MYO15B: variants seen among roughly 807,000 people sequenced by gnomAD.
MYO15B encodes the protein myosin XVB pseudogene.
In MYO15B, 207 loss-of-function variants were observed where a neutral mutation model predicts 119.3. That is an observed-to-expected ratio of 1.73 (90% CI 1.55 to 1.95). The LOEUF is 1.95. MYO15B is among the 30% of genes most tolerant of loss of function. The pLI is 0.00. For synonymous variants in MYO15B, 966 were observed against 498.9 expected (o/e 1.94, Z -12.48); for missense variants, 2,264 against 1,203.1 (o/e 1.88, Z -13.04).
In MYO15B at chr17:75,589,548, A is replaced by G. The variant is rs564582991; in HGVS notation, c.1491A>G (p.Leu497=). The change falls in exon 1 of 64, where the codon CTA becomes CTG. Residue 497 remains leucine (L), a synonymous_variant. Coordinates refer to ENST00000645453, the Ensembl canonical transcript of MYO15B. This position sits in a 1 kb window ranked among gnomAD's most constrained non-coding sequence, Gnocchi z 4.2. ...GTGAGCCCGGGCTGCGGCACCGTCT[A>G]GCGTTGCGCCTGGCTGGCTTAGCAG... The G allele has an allele frequency of 7.5e-4, 300 of 398,590 alleles. No individual in the cohort carries two copies. The highest frequency in any genetic ancestry group is 4.4e-3 in the Middle Eastern group (7 of 1,594). The allele number at this position is 398,590 out of a possible 1,614,324, so 24.7% of individuals were successfully genotyped here.
Position 75,601,427 on chromosome 17 carries a change from T to A in MYO15B, c.3526-11T>A. ...CAGAGGCGTGAAGGGAGCTCATGGC[T>A]CCTCTCCTAGGCCACGGACCACACC... On this transcript the variant is annotated splice_polypyrimidine_tract_variant and intron_variant, in intron 14 of 63. Transcript: ENST00000645453. 1 of 702,798 alleles carries A rather than the reference T, an allele frequency of 1.4e-6. No homozygotes were observed. The highest frequency in any genetic ancestry group is 2.6e-6 in the Non-Finnish European group (1 of 384,870). The allele number at this position is 702,798 out of a possible 1,614,324, so 43.5% of individuals were successfully genotyped here. A position where few individuals can be genotyped will look rare whatever the true frequency, so the allele number is the denominator to read the frequency against.
chr17:75,597,723 G>T (rs921730152), intron 14 of MYO15B, among the ~76,000 whole-genome samples: 2 of 152,034 alleles, frequency 1.3e-5, no homozygotes, highest in Non-Finnish European at 2.9e-5. Flanking sequence ...CCAGGAGCTC[G>T]AGACCAACAT....
At chr17:75,622,675 AGTT>A (rs775455190) in intron 53 of MYO15B, among the ~76,000 whole-genome samples, 2 of 152,178 alleles carry the variant, frequency 1.3e-5, no homozygotes, top group African/African-American at 2.4e-5. Context: ...AGCAAAAGGA[AGTT>A]ATTGCAGTGG....
At position 75,625,570 on chromosome 17, in the gene MYO15B, G is replaced by GT; in HGVS notation, c.8849dup (p.Asn2951GlufsTer30). ...CGTGCCAAAGCAGCTGCAACGGCAG[G>GT]TGAACACGGCCTCCATCAAGAACCT... On this transcript the variant is annotated frameshift_variant, in exon 61 of 64. Coordinates refer to ENST00000645453, the Ensembl canonical transcript of MYO15B. LOFTEE classifies it high-confidence loss of function. 1 of 703,082 alleles carries GT rather than the reference G, an allele frequency of 1.4e-6. No homozygotes were observed. The highest frequency in any genetic ancestry group is 2.6e-6 in the Non-Finnish European group (1 of 385,006). 43.6% of individuals were successfully genotyped at this position (703,082 alleles called of 1,614,324 possible).
At chr17:75,617,582 C>T (rs62089253) in intron 41 of MYO15B, 166,269 of 573,210 alleles carry the variant, frequency 0.29, 25,557 homozygotes, top group Middle Eastern at 0.34. Context: ...AGTTAGTGGC[C>T]CTGGCTGACA....
intron 53 of MYO15B, among the ~76,000 whole-genome samples, chr17:75,622,431 C>T (rs781287273): frequency 6.6e-6 from 1 of 152,124 alleles, no homozygotes; most frequent in East Asian, 1.9e-4. Context: ...GGGGAAGCCT[C>T]GGCACCATCA....
intron 14 of MYO15B, among the ~76,000 whole-genome samples, chr17:75,598,756 A>G (rs186861717): frequency 6.6e-6 from 1 of 152,290 alleles, no homozygotes; most frequent in Admixed American, 6.5e-5. Flanking sequence ...GTTAATTTCT[A>G]AACGATTGTT....
In MYO15B at chr17:75,592,307, G is replaced by A. The variant is rs2056521094; in HGVS notation, c.2715+6G>A. The A allele has an allele frequency of 1.4e-6, 1 of 702,780 alleles. No homozygotes were observed. Among genetic ancestry groups the A allele is most frequent in the Non-Finnish European group, 2.6e-6 (1 of 384,956 alleles). 43.5% of individuals were successfully genotyped at this position (702,780 alleles called of 1,614,324 possible). On this transcript the variant is annotated splice_donor_region_variant and intron_variant, in intron 7 of 63. Coordinates refer to ENST00000645453, the Ensembl canonical transcript of MYO15B. ...CCTCCAGGGTGGTGTTTCAGGTAAAGGCAGCCCTTCTATCCACCCCTGCCC... is the reference window on the plus strand; with the variant it reads ...CCTCCAGGGTGGTGTTTCAGGTAAAAGCAGCCCTTCTATCCACCCCTGCCC...
intron 20 of MYO15B, 25 bp downstream of exon 20, chr17:75,605,646 A>C (rs1285516629): frequency 1.7e-5 from 12 of 702,424 alleles, no homozygotes; most frequent in African/African-American, 3.5e-5. Flanking sequence ...CCCTGTGTGC[A>C]GAGGGCAGCA....
Position 75,611,692 on chromosome 17 carries a change from C to T in MYO15B, c.4504+34C>T, listed in dbSNP as rs1209995886. The T allele has an allele frequency of 1.3e-5, 9 of 702,632 alleles. No individual in the cohort carries two copies. The South Asian group carries it at 1.3e-4, about 10-fold the overall frequency. 43.5% of individuals were successfully genotyped at this position (702,632 alleles called of 1,614,324 possible). ...TGTTGGTGTCCTCTTGTTAGGACTC[C>T]TTCTCCAGTCCCTTTACTGTGGGGT... On this transcript the variant is annotated intron_variant, in intron 24 of 63. Coordinates refer to ENST00000645453, the Ensembl canonical transcript of MYO15B.
intron 14 of MYO15B, among the ~76,000 whole-genome samples, chr17:75,598,527 C>CAAAAAAAAAAA (rs34267285): frequency 4.9e-5 from 1 of 20,616 alleles, no homozygotes. Flanking sequence ...GACTCCATCT[C>CAAAAAAAAAAA]AAAAAAAAAA....
chr17:75,603,447 C>T, intron 19 of MYO15B, 135 bp downstream of exon 19: 1 of 611,324 alleles, frequency 1.6e-6, no homozygotes, highest in Non-Finnish European at 2.9e-6. Flanking sequence ...CCCTCTCTCT[C>T]CTCGTCCTCT....
At chr17:75,618,460 C>G (rs1033897631) in intron 43 of MYO15B, among the ~76,000 whole-genome samples, 1 of 152,194 alleles carries the variant, frequency 6.6e-6, no homozygotes, top group Non-Finnish European at 1.5e-5. Flanking sequence ...CGAGACCAGT[C>G]TGGCCAACAT....
In MYO15B at chr17:75,613,350, G is replaced by A. The variant is rs778081189; in HGVS notation, c.5025G>A (p.Leu1675=). The A allele has an allele frequency of 3.4e-5, 23 of 675,418 alleles. No homozygotes were observed. The South Asian group carries it at 3.6e-4, about 10-fold the overall frequency. 41.8% of individuals were successfully genotyped at this position (675,418 alleles called of 1,614,324 possible). ...CAGCGCTGTGCCAGCACAAGCTGCT[G>A]GGGGCCTTGGAGCAGTCGCAGCTGG... The change falls in exon 28 of 64, where the codon CTG becomes CTA. Residue 1675 remains leucine, a synonymous_variant. Transcript: ENST00000645453.
chr17:75,624,428 C>A, exon 57 of MYO15B: 1 of 702,678 alleles, frequency 1.4e-6, no homozygotes. Flanking sequence ...GATTATAGGA[C>A]GAATATCCAG....
intron 24 of MYO15B, 77 bp downstream of exon 24, chr17:75,611,735 T>G (rs1459720054): frequency 1.4e-6 from 1 of 699,418 alleles, no homozygotes; most frequent in Non-Finnish European, 2.6e-6. Context: ...TCCCTTGTGG[T>G]TCCTCCCTCT....
At chr17:75,594,744 G>T (rs1233946141) in exon 11 of MYO15B, 2 of 702,968 alleles carry the variant, frequency 2.8e-6, no homozygotes, top group African/African-American at 1.7e-5. Flanking sequence ...CCCGTGGAAA[G>T]TGCCTTTGAT....
At chr17:75,613,561 T>A in intron 28 of MYO15B, 90 bp downstream of exon 28, 1 of 643,080 alleles carries the variant, frequency 1.6e-6, no homozygotes, top group Non-Finnish European at 2.8e-6. Flanking sequence ...CCTGCCCCAG[T>A]CTTCCTGCTG....
In MYO15B at chr17:75,620,230, G is replaced by A. The variant is rs774255121; in HGVS notation, c.7444-16G>A. On this transcript the variant is annotated splice_polypyrimidine_tract_variant and intron_variant, in intron 47 of 63. Coordinates refer to ENST00000645453, the Ensembl canonical transcript of MYO15B. ...GGCAGACTTGCTGCTCCAGGCCCTC[G>A]CCTGCTTGCCCACAGGACTCCGGCT... 1.7e-5 allele frequency: 12 copies of A among 702,504 alleles called. No homozygotes were observed. Among genetic ancestry groups the A allele is most frequent in the South Asian group, 3.0e-5 (2 of 67,590 alleles). The allele number at this position is 702,504 out of a possible 1,614,324, so 43.5% of individuals were successfully genotyped here. A position where few individuals can be genotyped will look rare whatever the true frequency, so the allele number is the denominator to read the frequency against.
Sources: allele counts gnomAD v4.1 joint callset (sites outside exome capture counted in the v4.1 genomes callset), GRCh38; gene constraint gnomAD v4.1.1; non-coding constraint Gnocchi (gnomAD v3.1); transcripts MANE v1.5; gene names NCBI Gene and HGNC (gene_info 2026-07-23, HGNC 2026-07-21).